Variants in PARP11 observed in about 807,000 individuals in gnomAD.
PARP11 encodes the protein protein mono-ADP-ribosyltransferase PARP11.
In PARP11, 31 loss-of-function variants were observed where a neutral mutation model predicts 42.9. The ratio of observed to expected loss-of-function variants is 0.72; its 90% CI spans 0.54 to 0.98. The LOEUF (loss-of-function observed/expected upper bound fraction) is 0.98, where lower values mean the gene tolerates loss of function less well. Ranked by LOEUF, PARP11 falls within the 50% of genes least tolerant of loss-of-function variation. The pLI, the probability that PARP11 is intolerant of heterozygous loss-of-function variation, is 0.00. For synonymous variants in PARP11, 137 were observed against 127.3 expected (o/e 1.08, Z -0.51); for missense variants, 365 against 413.1 (o/e 0.88, Z 1.01).
At chr12:3,831,532 G>A (rs1947637816) in intron 1 of PARP11, among the ~76,000 whole-genome samples, 1 of 152,012 alleles carries the variant, frequency 6.6e-6, no homozygotes, top group African/African-American at 2.4e-5. Flanking sequence ...CTTCCTCATT[G>A]GGATGTTGTT....
At chr12:3,830,849 A>G (rs963928984) in intron 1 of PARP11, among the ~76,000 whole-genome samples, 2 of 152,180 alleles carry the variant, frequency 1.3e-5, no homozygotes, top group Non-Finnish European at 2.9e-5. Flanking sequence ...TTCAGGGTCT[A>G]CGCACTTAGC....
chr12:3,845,650 C>T (rs1382564785), intron 1 of PARP11, among the ~76,000 whole-genome samples: 1 of 152,192 alleles, frequency 6.6e-6, no homozygotes, highest in African/African-American at 2.4e-5. Context: ...TTTGGCTACA[C>T]TATTTCTGTG....
intron 1 of PARP11, among the ~76,000 whole-genome samples, chr12:3,830,696 G>T (rs1307531627): frequency 6.6e-6 from 1 of 152,028 alleles, no homozygotes; most frequent in Non-Finnish European, 1.5e-5. Context: ...ACTGTTCTAA[G>T]GACTACACAG....
chr12:3,857,311 T>G (rs1468227175), intron 1 of PARP11, among the ~76,000 whole-genome samples: 2 of 152,126 alleles, frequency 1.3e-5, no homozygotes, highest in Non-Finnish European at 2.9e-5. Context: ...CATTAAATTT[T>G]TAAAGACATG....
At chr12:3,856,062 G>T (rs1200137660) in intron 1 of PARP11, among the ~76,000 whole-genome samples, 3 of 152,010 alleles carry the variant, frequency 2.0e-5, no homozygotes, top group Non-Finnish European at 2.9e-5. Context: ...ATGGTGCTGG[G>T]AAAACTGGCT....
intron 1 of PARP11, among the ~76,000 whole-genome samples, chr12:3,835,965 G>C (rs1947752633): frequency 6.6e-6 from 1 of 151,806 alleles, no homozygotes; most frequent in Non-Finnish European, 1.5e-5. Flanking sequence ...AGAGAAAAAG[G>C]CACAGGAAAA....
At chr12:3,853,735 A>C (rs1229683299) in intron 1 of PARP11, among the ~76,000 whole-genome samples, 1 of 152,222 alleles carries the variant, frequency 6.6e-6, no homozygotes, top group African/African-American at 2.4e-5. Context: ...ACGAGACAGA[A>C]AGTTAACAAG....
chr12:3,873,274 G>C lies in PARP11; in HGVS notation c.-45C>G. 1 of 1,546,152 alleles carries C rather than the reference G, an allele frequency of 6.5e-7. No homozygotes were observed. The highest frequency in any genetic ancestry group is 8.8e-7 in the Non-Finnish European group (1 of 1,142,824). Reference sequence around the variant, plus strand: ...GGAGAGAGCCTGTGGGAAGGGGCTAGCCGCGGGGCCTGGGTGTTGGATTTT... The same window carrying C: ...GGAGAGAGCCTGTGGGAAGGGGCTACCCGCGGGGCCTGGGTGTTGGATTTT... On this transcript the variant is annotated 5_prime_UTR_variant, in exon 1 of 8. Coordinates refer to ENST00000228820, the MANE Select transcript of PARP11 (RefSeq NM_020367.6).
chr12:3,858,116 TATC>T (rs1948224721), intron 1 of PARP11, among the ~76,000 whole-genome samples: 2 of 152,128 alleles, frequency 1.3e-5, no homozygotes, highest in Non-Finnish European at 2.9e-5. Flanking sequence ...GGACTCTGTA[TATC>T]ATCCAAGGGA....
At chr12:3,859,004 G>C (rs892135192) in intron 1 of PARP11, among the ~76,000 whole-genome samples, 1 of 151,606 alleles carries the variant, frequency 6.6e-6, no homozygotes, top group Non-Finnish European at 1.5e-5. Flanking sequence ...GGCTGAGGCA[G>C]GAGGATCATT....
intron 1 of PARP11, among the ~76,000 whole-genome samples, chr12:3,833,822 C>A (rs763230070): frequency 2.0e-5 from 3 of 152,114 alleles, no homozygotes; most frequent in East Asian, 1.9e-4. Flanking sequence ...CCTCTACCTG[C>A]GGTATATGTA....
chr12:3,862,737 CATTT>C (rs1160339816), intron 1 of PARP11, among the ~76,000 whole-genome samples: 3 of 151,866 alleles, frequency 2.0e-5, no homozygotes, highest in Non-Finnish European at 4.4e-5. Flanking sequence ...TTTAAAAAAT[CATTT>C]GTTTGTGGCC....
At chr12:3,844,660 G>T (rs1947962763) in intron 1 of PARP11, among the ~76,000 whole-genome samples, 1 of 152,088 alleles carries the variant, frequency 6.6e-6, no homozygotes, top group African/African-American at 2.4e-5. Flanking sequence ...AGAATATATA[G>T]CTCCTGAAGG....
intron 1 of PARP11, chr12:3,863,732 T>C (rs1487496491): frequency 6.6e-6 from 1 of 152,198 alleles, no homozygotes; most frequent in Non-Finnish European, 1.5e-5. Context: ...TGTGTGACAA[T>C]ATGTGCAAAG....
rs528228967 is a variant in PARP11 at position 3,823,144 on chromosome 12, C to T, written c.345-987G>A. Among the ~76,000 whole-genome samples, 38 of 152,152 alleles carry T rather than the reference C, an allele frequency of 2.5e-4. 1 individual carries two copies. Among genetic ancestry groups the T allele is most frequent in the Non-Finnish European group, 8.8e-5 (6 of 67,988 alleles). ...CTAAATAAATTAATAAATTTCAAAC[C>T]GATCTTTAGTTTACTTTTTTCAAAC... On this transcript the variant is annotated intron_variant, in intron 4 of 7. Transcript: ENST00000228820.
rs1947847013 is a variant in PARP11 at position 3,839,646 on chromosome 12, A to G, written c.19-9628T>C. 9 of 991,166 alleles carry G rather than the reference A, an allele frequency of 9.1e-6. No individual in the cohort carries two copies. The South Asian group carries it at 1.1e-4, about 13-fold the overall frequency. 61.4% of individuals were successfully genotyped at this position (991,166 alleles called of 1,614,324 possible). ...GTGCCCTTTCTCTTATGTACAGGAAAGATTTTATAACTAATCTGGAACCTA... is the reference window on the plus strand; with the variant it reads ...GTGCCCTTTCTCTTATGTACAGGAAGGATTTTATAACTAATCTGGAACCTA... On this transcript the variant is annotated intron_variant, in intron 1 of 7. Transcript: ENST00000228820.
At position 3,828,943 on chromosome 12, in the gene PARP11, T is replaced by A. The variant is rs2138043118; in HGVS notation, c.235A>T (p.Thr79Ser). ...TCTATCTTGTAGCTGAATTTGGAAGTAGTAAAAGAAATGGAGCCACAAGGG... is the reference window on the plus strand; with the variant it reads ...TCTATCTTGTAGCTGAATTTGGAAGAAGTAAAAGAAATGGAGCCACAAGGG... The part of the protein sequence containing the change: ...TNPCGSISFT[T>S]SKFSYKIDFA... Residue 79 changes from threonine to serine, a missense_variant, in exon 3 of 8, where the codon ACT (threonine) becomes TCT (serine). Coordinates refer to ENST00000228820, the MANE Select transcript of PARP11 (RefSeq NM_020367.6). 6.2e-7 allele frequency: 1 copy of A among 1,614,004 alleles called. No homozygotes were observed. Among genetic ancestry groups the A allele is most frequent in the African/African-American group, 1.3e-5 (1 of 75,040 alleles).
chr12:3,857,930 G>C (rs1472135663), intron 1 of PARP11, among the ~76,000 whole-genome samples: 1 of 152,200 alleles, frequency 6.6e-6, no homozygotes, highest in African/African-American at 2.4e-5. Context: ...TAGCATGCTA[G>C]CAACAGTGAA....
chr12:3,835,306 C>G (rs1246820975), intron 1 of PARP11, among the ~76,000 whole-genome samples: 2 of 152,162 alleles, frequency 1.3e-5, no homozygotes, highest in Admixed American at 1.3e-4. Flanking sequence ...AAAGTCTGAG[C>G]TGGGATATCA....
Sources: gnomAD v4.1 joint callset for allele counts (sites outside exome capture counted in the v4.1 genomes callset) on GRCh38, gnomAD v4.1.1 for gene constraint, MANE v1.5 for transcripts, NCBI Gene and HGNC (gene_info 2026-07-23, HGNC 2026-07-21) for gene names.